Variants in NR5A2 observed in about 807,000 individuals in gnomAD.
The protein encoded by NR5A2 is nuclear receptor subfamily 5 group A member 2.
NR5A2 carries 26 observed loss-of-function variants against 62.7 expected under a neutral mutation model. The observed-to-expected ratio is 0.41, with a 90% CI of 0.30 to 0.58. NR5A2 has a LOEUF of 0.58. NR5A2 is among the 20% of genes least tolerant of loss of function. NR5A2 has a pLI of 0.22. For missense variants in NR5A2, 541 were observed against 669.1 expected (o/e 0.81, Z 2.11); for synonymous variants, 246 against 241.7 (o/e 1.02, Z -0.16).
chr1:200,052,234 C>T (rs539980252), intron 5 of NR5A2, among the ~76,000 whole-genome samples: 3 of 152,308 alleles, frequency 2.0e-5, no homozygotes, highest in South Asian at 4.1e-4. Context: ...TTCCTCCTGG[C>T]GTGGCCTATA....
chr1:200,058,584 G>A (rs947050980), intron 5 of NR5A2, among the ~76,000 whole-genome samples: 33 of 151,728 alleles, frequency 2.2e-4, no homozygotes, highest in African/African-American at 7.7e-4. Flanking sequence ...CGGTTCAAGC[G>A]ATTCTCCTCC....
intron 5 of NR5A2, among the ~76,000 whole-genome samples, chr1:200,097,977 C>A (rs1416388074): frequency 6.6e-6 from 1 of 152,168 alleles, no homozygotes; most frequent in African/African-American, 2.4e-5. Flanking sequence ...TACCTTGCAG[C>A]TTGTGTAGAA....
chr1:200,063,342 T>C (rs1258586344), intron 5 of NR5A2, among the ~76,000 whole-genome samples: 2 of 151,780 alleles, frequency 1.3e-5, no homozygotes, highest in Non-Finnish European at 2.9e-5. Flanking sequence ...GTACTTTTAG[T>C]AGAGACGGGG....
chr1:200,073,298 T>A (rs1181998737), intron 5 of NR5A2, among the ~76,000 whole-genome samples: 11 of 116,276 alleles, frequency 9.5e-5, no homozygotes, highest in African/African-American at 3.4e-4. Context: ...ATATTCCCCT[T>A]TATATATATA....
chr1:200,040,886 G>C (rs1233545780), intron 2 of NR5A2, among the ~76,000 whole-genome samples: 1 of 152,234 alleles, frequency 6.6e-6, no homozygotes, highest in Non-Finnish European at 1.5e-5. Flanking sequence ...GCGCCGTGCG[G>C]GTTGTGATCC....
At chr1:200,082,769 G>C (rs1263043803) in intron 5 of NR5A2, among the ~76,000 whole-genome samples, 1 of 152,064 alleles carries the variant, frequency 6.6e-6, no homozygotes, top group Admixed American at 6.6e-5. Flanking sequence ...GTCCAGTCAG[G>C]CTTTTATAAT....
chr1:200,098,651 G>A (rs1269213545), intron 5 of NR5A2, among the ~76,000 whole-genome samples: 2 of 151,948 alleles, frequency 1.3e-5, no homozygotes, highest in Non-Finnish European at 2.9e-5. Context: ...AAATGATGTA[G>A]TTGAACGAAA....
intron 7 of NR5A2, among the ~76,000 whole-genome samples, chr1:200,146,666 C>G (rs2102355006): frequency 6.6e-6 from 1 of 152,346 alleles, no homozygotes; most frequent in East Asian, 1.9e-4. Flanking sequence ...GGCCCTTTCT[C>G]TAGCTCTCTG....
chr1:200,131,235 A>AT (rs766501374), intron 7 of NR5A2, among the ~76,000 whole-genome samples: 66 of 143,502 alleles, frequency 4.6e-4, no homozygotes, highest in African/African-American at 2.3e-4. Flanking sequence ...GGTGTTGTGG[A>AT]TTTTTTTTTT....
At position 200,172,326 on chromosome 1, in the gene NR5A2, A is replaced by T. The variant is rs1260026118; in HGVS notation, c.1379-1637A>T. ...TAAAATCATTTTTAAAATATATTAAATAAGACAGGTGGAATATGCTTTACT... is the reference window on the plus strand; with the variant it reads ...TAAAATCATTTTTAAAATATATTAATTAAGACAGGTGGAATATGCTTTACT... On this transcript the variant is annotated intron_variant, in intron 7 of 7. Transcript: ENST00000367362. Among the ~76,000 whole-genome samples, 4 of 152,224 alleles carry T rather than the reference A, an allele frequency of 2.6e-5. No individual in the cohort carries two copies. The South Asian group carries it at 8.3e-4, about 32-fold the overall frequency.
At chr1:200,145,873 T>C (rs1022456209) in intron 7 of NR5A2, among the ~76,000 whole-genome samples, 2 of 152,192 alleles carry the variant, frequency 1.3e-5, no homozygotes, top group African/African-American at 4.8e-5. Context: ...AGTCAGTTTA[T>C]GCCTGAACAT....
chr1:200,105,261 C>T (rs1225387431), intron 5 of NR5A2, among the ~76,000 whole-genome samples: 1 of 152,080 alleles, frequency 6.6e-6, no homozygotes, highest in Non-Finnish European at 1.5e-5. Flanking sequence ...CTTGCCCAGC[C>T]TCATTTTTTT....
At chr1:200,046,691 A>G (rs1028938035) in intron 4 of NR5A2, among the ~76,000 whole-genome samples, 1 of 152,216 alleles carries the variant, frequency 6.6e-6, no homozygotes, top group African/African-American at 2.4e-5. Context: ...GATGCTTATT[A>G]ATTTTCTTAT....
chr1:200,032,632 T>C (rs1362586355), intron 1 of NR5A2, among the ~76,000 whole-genome samples: 1 of 152,190 alleles, frequency 6.6e-6, no homozygotes, highest in Non-Finnish European at 1.5e-5. Context: ...ATGATGAGTT[T>C]GAGTGAAGCT....
At chr1:200,076,179 A>G (rs1664028948) in intron 5 of NR5A2, among the ~76,000 whole-genome samples, 2 of 152,174 alleles carry the variant, frequency 1.3e-5, no homozygotes, top group South Asian at 2.1e-4. Context: ...CCAATATTTC[A>G]AAAGATACAG....
intron 4 of NR5A2, among the ~76,000 whole-genome samples, chr1:200,047,788 G>A (rs1005818239): frequency 1.3e-5 from 2 of 152,090 alleles, no homozygotes; most frequent in African/African-American, 4.8e-5. Context: ...ATGTTGGCCA[G>A]GCTGGTCTTG....
chr1:200,047,622 G>A (rs1424598628), intron 4 of NR5A2, among the ~76,000 whole-genome samples: 3 of 146,496 alleles, frequency 2.0e-5, no homozygotes, highest in Non-Finnish European at 4.5e-5. Flanking sequence ...TGTTGCCCAG[G>A]CTGGAGTGCA....
At chr1:200,159,339 C>G (rs1223882810) in intron 7 of NR5A2, among the ~76,000 whole-genome samples, 2 of 152,240 alleles carry the variant, frequency 1.3e-5, no homozygotes, top group African/African-American at 4.8e-5. Flanking sequence ...AGATGTTTCC[C>G]TTCATTCACA....
intron 7 of NR5A2, among the ~76,000 whole-genome samples, chr1:200,124,371 C>T (rs1228218269): frequency 6.6e-6 from 1 of 152,170 alleles, no homozygotes; most frequent in African/African-American, 2.4e-5. Context: ...AAGCTCATGA[C>T]AGGACTCAAA....
Sources: allele counts gnomAD v4.1 joint callset (sites outside exome capture counted in the v4.1 genomes callset), GRCh38; gene constraint gnomAD v4.1.1; transcripts MANE v1.5; gene names NCBI Gene and HGNC (gene_info 2026-07-23, HGNC 2026-07-21).